The following MYO9A variants were observed in gnomAD, a reference collection of about 807,000 sequenced individuals.
MYO9A encodes the protein myosin IXA.
MYO9A carries 103 observed loss-of-function variants against 293.3 expected under a neutral mutation model. The ratio of observed to expected loss-of-function variants is 0.35; its 90% CI spans 0.30 to 0.41. The LOEUF (loss-of-function observed/expected upper bound fraction) is 0.41, where lower values mean the gene tolerates loss of function less well. Among genes scored for constraint, MYO9A ranks in the 10% least tolerant of loss-of-function variants. The pLI is 1.00. For synonymous variants in MYO9A, 1,001 were observed against 1,035.7 expected (o/e 0.97, Z 0.64); for missense variants, 2,685 against 3,033.0 (o/e 0.89, Z 2.69).
chr15:72,108,685 A>C (rs931358764), intron 1 of MYO9A, among the ~76,000 whole-genome samples: 7 of 152,102 alleles, frequency 4.6e-5, no homozygotes, highest in African/African-American at 1.7e-4. Flanking sequence ...GTAATAGCAC[A>C]CTGGTGATAC....
chr15:71,830,183 T>C lies in MYO9A; in HGVS notation c.6966A>G (p.Thr2322=). 6.2e-7 allele frequency: 1 copy of C among 1,614,164 alleles called. No homozygotes were observed. The highest frequency in any genetic ancestry group is 8.5e-7 in the Non-Finnish European group (1 of 1,179,992). ...TSEAAMETDI[T]EQQQAAMQQE... ...GCTGCATAGCTGCTTGCTGCTGTTC[T>C]GTGATGTCAGTCTCCATGGCTGCCT... Residue 2322 remains threonine, a synonymous_variant, in exon 40 of 42, where the codon ACA becomes ACG. Transcript: ENST00000356056.
chr15:71,842,859 CAA>C (rs35367150), intron 39 of MYO9A, among the ~76,000 whole-genome samples: 6 of 118,326 alleles, frequency 5.1e-5, no homozygotes, highest in Non-Finnish European at 7.0e-5. Flanking sequence ...GACTCCACCT[CAA>C]AAAAAAAAAA....
intron 1 of MYO9A, among the ~76,000 whole-genome samples, chr15:72,076,507 A>G (rs1316224526): frequency 6.6e-6 from 1 of 152,198 alleles, no homozygotes; most frequent in Non-Finnish European, 1.5e-5. Flanking sequence ...TTTATAATAT[A>G]CTCAAAAAAC....
At chr15:72,015,316 C>T (rs188443982) in intron 6 of MYO9A, among the ~76,000 whole-genome samples, 219 of 152,258 alleles carry the variant, frequency 1.4e-3, no homozygotes, top group African/African-American at 5.0e-3. Flanking sequence ...AATCTTTATA[C>T]TGCAAAAATA....
intron 3 of MYO9A, among the ~76,000 whole-genome samples, chr15:72,031,389 G>A (rs1474469987): frequency 6.6e-6 from 1 of 152,174 alleles, no homozygotes; most frequent in Non-Finnish European, 1.5e-5. Flanking sequence ...TAGAGGCTGA[G>A]GCAGGAGAAT....
At chr15:72,050,630 A>AT (rs1442742215) in intron 1 of MYO9A, among the ~76,000 whole-genome samples, 1 of 151,066 alleles carries the variant, frequency 6.6e-6, no homozygotes, top group Non-Finnish European at 1.5e-5. Flanking sequence ...AAATAAATAA[A>AT]CAAACAAACA....
At chr15:71,964,697 G>C (rs949957589) in intron 13 of MYO9A, among the ~76,000 whole-genome samples, 5 of 151,922 alleles carry the variant, frequency 3.3e-5, no homozygotes, top group Non-Finnish European at 7.4e-5. Context: ...TGAGGCAGGA[G>C]AATCACTTGA....
At chr15:71,976,419 T>C (rs1372443696) in intron 12 of MYO9A, among the ~76,000 whole-genome samples, 5 of 152,236 alleles carry the variant, frequency 3.3e-5, no homozygotes, top group Admixed American at 1.3e-4. Context: ...TCAGAAATAC[T>C]TGACAGGTTT....
At chr15:71,869,567 G>A (rs1231140658) in intron 32 of MYO9A, among the ~76,000 whole-genome samples, 1 of 152,072 alleles carries the variant, frequency 6.6e-6, no homozygotes, top group Non-Finnish European at 1.5e-5. Flanking sequence ...GATGAATGGT[G>A]GAATCTAAAT....
chr15:71,935,764 T>C (rs932570882), intron 16 of MYO9A, among the ~76,000 whole-genome samples: 1 of 152,122 alleles, frequency 6.6e-6, no homozygotes, highest in African/African-American at 2.4e-5. Flanking sequence ...ATTCAACAAC[T>C]AGTAACTAAT....
intron 11 of MYO9A, among the ~76,000 whole-genome samples, chr15:71,986,382 T>C (rs778018440): frequency 2.0e-5 from 3 of 152,174 alleles, no homozygotes; most frequent in Non-Finnish European, 4.4e-5. Flanking sequence ...AGAAACCTCT[T>C]TGGGTCTGTC....
At chr15:72,017,190 T>C (rs529466433) in intron 6 of MYO9A, among the ~76,000 whole-genome samples, 2 of 152,138 alleles carry the variant, frequency 1.3e-5, no homozygotes, top group South Asian at 4.2e-4. Context: ...CTGGCTTAAA[T>C]TTTTGTAGAG....
intron 10 of MYO9A, among the ~76,000 whole-genome samples, chr15:71,993,083 G>A (rs773419348): frequency 4.6e-5 from 7 of 152,164 alleles, no homozygotes; most frequent in Non-Finnish European, 8.8e-5. Flanking sequence ...AGGCCTGGTG[G>A]CTCACGCCTG....
chr15:71,859,531 A>T (rs767701622), intron 34 of MYO9A, among the ~76,000 whole-genome samples: 10 of 152,244 alleles, frequency 6.6e-5, no homozygotes, highest in Non-Finnish European at 1.0e-4. Context: ...AAATAATTCT[A>T]TGAAAATCAA....
chr15:72,004,779 G>A (rs1341582085), intron 8 of MYO9A, among the ~76,000 whole-genome samples: 1 of 152,128 alleles, frequency 6.6e-6, no homozygotes, highest in Non-Finnish European at 1.5e-5. Flanking sequence ...ATAGGCATTA[G>A]TAAAGGCTCA....
intron 1 of MYO9A, among the ~76,000 whole-genome samples, chr15:72,056,805 G>A (rs2078732198): frequency 2.0e-5 from 3 of 152,012 alleles, no homozygotes; most frequent in South Asian, 4.1e-4. Context: ...GCAAAACTCC[G>A]TCTCTACTAA....
intron 28 of MYO9A, among the ~76,000 whole-genome samples, chr15:71,881,011 A>T (rs1457715352): frequency 1.3e-5 from 2 of 152,190 alleles, no homozygotes; most frequent in Admixed American, 1.3e-4. Context: ...GGAGTTTGAT[A>T]ATTATTATTA....
chr15:72,023,475 C>T lies in MYO9A; in HGVS notation c.999-2458G>A, dbSNP rs1268296338. ...TGGGAGGCAGAGGTGGGTGGATCAC[C>T]TGAGGTCAGGAGTTCGAGGCCAGCC... is the stretch of plus-strand genomic sequence containing the variant. On this transcript the variant is annotated intron_variant, in intron 4 of 41. Coordinates refer to ENST00000356056, the MANE Select transcript of MYO9A (RefSeq NM_006901.4). Among the ~76,000 whole-genome samples, 3 of 151,942 alleles carry T rather than the reference C, an allele frequency of 2.0e-5. No homozygotes were observed. The East Asian group carries it at 5.8e-4, about 29-fold the overall frequency.
intron 14 of MYO9A, among the ~76,000 whole-genome samples, chr15:71,956,633 G>A (rs1238556369): frequency 1.3e-5 from 2 of 149,970 alleles, no homozygotes; most frequent in Non-Finnish European, 3.0e-5. Flanking sequence ...GCGACAGAGC[G>A]AGACTCCGTC....
Sources: allele counts gnomAD v4.1 joint callset (sites outside exome capture counted in the v4.1 genomes callset), GRCh38; gene constraint gnomAD v4.1.1; transcripts MANE v1.5; gene names NCBI Gene and HGNC (gene_info 2026-07-23, HGNC 2026-07-21).